The following MARCHF3 variants were observed in gnomAD, a reference collection of about 807,000 sequenced individuals.
MARCHF3 encodes E3 ubiquitin-protein ligase MARCHF3.
In MARCHF3, 13 loss-of-function variants were observed where a neutral mutation model predicts 24.2. The observed-to-expected ratio is 0.54, with a 90% CI of 0.35 to 0.85. The LOEUF is 0.85. Ranked by LOEUF, MARCHF3 falls within the 40% of genes least tolerant of loss-of-function variation. The pLI, the probability that MARCHF3 is intolerant of heterozygous loss-of-function variation, is 0.01. For missense variants in MARCHF3, 276 were observed against 325.0 expected (o/e 0.85, Z 1.16); for synonymous variants, 144 against 137.3 (o/e 1.05, Z -0.34).
chr5:127,025,259 T>C (rs1009772904), intron 1 of MARCHF3, among the ~76,000 whole-genome samples: 8 of 150,300 alleles, frequency 5.3e-5, no homozygotes, highest in African/African-American at 2.0e-4. Context: ...GCAGCCACAC[T>C]ATTATATATG....
intron 3 of MARCHF3, among the ~76,000 whole-genome samples, chr5:126,884,797 C>T (rs1202717676): frequency 6.6e-6 from 1 of 152,188 alleles, no homozygotes; most frequent in Non-Finnish European, 1.5e-5. Context: ...AGGCAATAGC[C>T]TCCCTGCTTC....
intron 1 of MARCHF3, among the ~76,000 whole-genome samples, chr5:127,025,290 T>C (rs941926708): frequency 2.2e-5 from 3 of 134,304 alleles, no homozygotes; most frequent in Non-Finnish European, 4.6e-5. Context: ...GACCCAGAGA[T>C]GAGAAGGAAA....
chr5:126,885,427 C>T (rs563491236), intron 3 of MARCHF3, among the ~76,000 whole-genome samples: 48 of 151,954 alleles, frequency 3.2e-4, no homozygotes, highest in African/African-American at 1.1e-3. Flanking sequence ...ATGATCCAGG[C>T]GTGGTGGTGC....
chr5:126,872,074 C>CTTTTTTTTTTTTTTTTTTTTTTTTTTTTT (rs70997318), intron 4 of MARCHF3, among the ~76,000 whole-genome samples: 1 of 94,510 alleles, frequency 1.1e-5, no homozygotes, highest in African/African-American at 4.1e-5. Flanking sequence ...AGATCCTTGT[C>CTTTTTTTTTTTTTTTTTTTTTTTTTTTTT]TTTTTTTTTT....
At chr5:126,918,897 TATTC>T (rs1749003227) in intron 1 of MARCHF3, among the ~76,000 whole-genome samples, 1 of 152,348 alleles carries the variant, frequency 6.6e-6, no homozygotes, top group Admixed American at 6.5e-5. Flanking sequence ...GTCTTCAAGT[TATTC>T]ATGAAATGAG....
chr5:126,991,936 T>A (rs1221464763), intron 1 of MARCHF3, among the ~76,000 whole-genome samples: 1 of 152,324 alleles, frequency 6.6e-6, no homozygotes, highest in Non-Finnish European at 1.5e-5. Flanking sequence ...CAACAGGGTT[T>A]GTCAACTGGG....
chr5:126,915,317 T>C (rs1754689888), intron 2 of MARCHF3, among the ~76,000 whole-genome samples, 183 bp from the exon 3 acceptor site: 1 of 152,252 alleles, frequency 6.6e-6, no homozygotes, highest in South Asian at 2.1e-4. Context: ...TTGGGTCACC[T>C]ACTTGTGACA....
At chr5:126,965,089 T>C (rs1178132861) in intron 1 of MARCHF3, among the ~76,000 whole-genome samples, 2 of 151,656 alleles carry the variant, frequency 1.3e-5, no homozygotes, top group Admixed American at 6.6e-5. Flanking sequence ...GTGTTTCTAA[T>C]GATGACTCCT....
chr5:126,972,853 C>T lies in MARCHF3; in HGVS notation c.-56-54626G>A, dbSNP rs78570615. Among the ~76,000 whole-genome samples, 1,191 of 152,292 alleles carry T rather than the reference C, an allele frequency of 7.8e-3. 11 individuals are homozygous for T. The highest frequency in any genetic ancestry group is 0.027 in the African/African-American group (1,140 of 41,554). On this transcript the variant is annotated intron_variant, in intron 1 of 4. Transcript: ENST00000308660. ...CTGTATATTTGAGAGAGTTTTGAAA[C>T]CCATCCCAAATACACTCCAGCAATG...
At chr5:127,000,701 T>C (rs1207548007) in intron 1 of MARCHF3, among the ~76,000 whole-genome samples, 3 of 152,124 alleles carry the variant, frequency 2.0e-5, no homozygotes, top group Admixed American at 2.0e-4. Context: ...TATTTTTATT[T>C]ATTTATTTAT....
At chr5:126,903,142 T>G (rs1268882814) in intron 3 of MARCHF3, among the ~76,000 whole-genome samples, 1 of 151,782 alleles carries the variant, frequency 6.6e-6, no homozygotes, top group Non-Finnish European at 1.5e-5. Context: ...GAAGATGAGG[T>G]GTTGGTAGAA....
intron 1 of MARCHF3, among the ~76,000 whole-genome samples, chr5:126,988,745 A>G (rs1315944488): frequency 6.6e-6 from 1 of 152,208 alleles, no homozygotes; most frequent in Non-Finnish European, 1.5e-5. Flanking sequence ...TATTATTATT[A>G]TTACTACTAT....
intron 1 of MARCHF3, among the ~76,000 whole-genome samples, chr5:127,020,603 C>A (rs1752768812): frequency 6.6e-6 from 1 of 152,082 alleles, no homozygotes; most frequent in African/African-American, 2.4e-5. Context: ...GTAATCCCAG[C>A]ACTTTGGGAG....
intron 3 of MARCHF3, among the ~76,000 whole-genome samples, chr5:126,901,816 G>A (rs1754115112): frequency 6.6e-6 from 1 of 152,042 alleles, no homozygotes; most frequent in South Asian, 2.1e-4. Context: ...AGAGTTAATT[G>A]TGCCTTGTTA....
intron 1 of MARCHF3, among the ~76,000 whole-genome samples, chr5:126,942,103 A>G (rs1269865274): frequency 6.6e-6 from 1 of 152,306 alleles, no homozygotes; most frequent in East Asian, 1.9e-4. Context: ...TAACTTTTTT[A>G]AAAAATGGCA....
intron 1 of MARCHF3, among the ~76,000 whole-genome samples, chr5:127,023,184 G>A (rs1027479294): frequency 3.3e-5 from 5 of 152,094 alleles, no homozygotes; most frequent in Admixed American, 1.3e-4. Flanking sequence ...TATACACGAG[G>A]GACTGGTTGC....
At chr5:126,875,401 A>T (rs970411588) in intron 4 of MARCHF3, among the ~76,000 whole-genome samples, 1 of 152,218 alleles carries the variant, frequency 6.6e-6, no homozygotes, top group African/African-American at 2.4e-5. Flanking sequence ...TCTTCACAGT[A>T]CCAGGGAGGC....
chr5:126,871,604 T>G (rs1475177379), intron 4 of MARCHF3, among the ~76,000 whole-genome samples: 1 of 152,238 alleles, frequency 6.6e-6, no homozygotes. Context: ...TGTTACAATG[T>G]CTTGCACTTA....
intron 1 of MARCHF3, among the ~76,000 whole-genome samples, chr5:126,977,517 T>C (rs953457333): frequency 4.6e-5 from 7 of 152,098 alleles, no homozygotes; most frequent in African/African-American, 1.7e-4. Context: ...TAAACAAACA[T>C]AAAAATGGGG....
Sources: gnomAD v4.1 joint callset for allele counts (sites outside exome capture counted in the v4.1 genomes callset) on GRCh38, gnomAD v4.1.1 for gene constraint, MANE v1.5 for transcripts, NCBI Gene and HGNC (gene_info 2026-07-23, HGNC 2026-07-21) for gene names.